Variants in EVC observed in about 807,000 individuals in gnomAD.
EVC encodes EvC ciliary complex subunit 1, also known as evC complex member EVC.
Under a neutral mutation model 118.9 loss-of-function variants are expected in EVC, and 116 were observed. The observed-to-expected ratio is 0.98, with a 90% CI of 0.84 to 1.14. EVC has a LOEUF of 1.14. EVC is among the 50% of genes most tolerant of loss of function. The probability of loss-of-function intolerance (pLI) is 0.00; values close to 1 mark genes in which losing one functional copy is unlikely to be tolerated. For missense variants in EVC, 1,401 were observed against 1,246.4 expected, an observed-to-expected ratio of 1.12 and a Z score of -1.87; for synonymous variants, 619 against 534.7, an observed-to-expected ratio of 1.16 and a Z score of -2.18.
intron 11 of EVC, among the ~76,000 whole-genome samples, chr4:5,781,495 C>T (rs1162258588): frequency 6.6e-6 from 1 of 151,998 alleles, no homozygotes; most frequent in Non-Finnish European, 1.5e-5. Context: ...GCGAGGAGTC[C>T]ATTCTGGGTG....
At chr4:5,821,011 CTCTT>C in the EVC span, 2 of 152,236 alleles carry the variant, frequency 1.3e-5, no homozygotes, top group Non-Finnish European at 2.9e-5. This position sits in a 1 kb window ranked among gnomAD's most constrained non-coding sequence, Gnocchi z 4.4. Context: ...ATGGGGAGAC[CTCTT>C]TCTGAGTGTG....
intron 11 of EVC, among the ~76,000 whole-genome samples, chr4:5,767,817 G>A (rs1388451449): frequency 6.6e-6 from 1 of 152,178 alleles, no homozygotes; most frequent in East Asian, 1.9e-4. Flanking sequence ...TCCCTAGTGA[G>A]ATGAACCCAG....
chr4:5,719,352 G>C lies in EVC; in HGVS notation c.279G>C (p.Ser93=). 7 of 1,614,192 alleles carry C rather than the reference G, an allele frequency of 4.3e-6. No individual in the cohort carries two copies. Among genetic ancestry groups the C allele is most frequent in the Non-Finnish European group, 5.9e-6 (7 of 1,180,034 alleles). ...GGAGGAAGAGAGAAGTGCAGATGTC[G>C]AAGGACAAGGAAGCTGTTGATGTAA... ...SRRRKREVQM[S]KDKEAVDECE... is the part of the protein sequence containing the mutation. The change falls in exon 2 of 21, where the codon TCG becomes TCC. Residue 93 remains serine (S), a synonymous_variant. Transcript: ENST00000264956. This position sits in a 1 kb window ranked among gnomAD's most constrained non-coding sequence, Gnocchi z 4.7.
intron 16 of EVC, among the ~76,000 whole-genome samples, chr4:5,803,646 G>C (rs1465757256): frequency 6.6e-6 from 1 of 152,134 alleles, no homozygotes; most frequent in African/African-American, 2.4e-5. Context: ...AAATGATATA[G>C]CTTAAGCCAC....
chr4:5,758,646 T>C (rs948260456), intron 11 of EVC, among the ~76,000 whole-genome samples: 4 of 152,200 alleles, frequency 2.6e-5, no homozygotes, highest in African/African-American at 9.7e-5. Flanking sequence ...TAACATGCTG[T>C]GTGACCTTGG....
At chr4:5,771,388 C>T (rs543187438) in intron 11 of EVC, among the ~76,000 whole-genome samples, 37 of 152,290 alleles carry the variant, frequency 2.4e-4, no homozygotes, top group African/African-American at 8.9e-4. Flanking sequence ...TCCTGCCTCC[C>T]TCATTCACTT....
intron 7 of EVC, 181 bp from the exon 8 acceptor site, chr4:5,747,967 G>A: frequency 1.4e-6 from 1 of 700,962 alleles, no homozygotes. Context: ...CCAGACAATG[G>A]AACCAGAAAG....
intron 11 of EVC, among the ~76,000 whole-genome samples, chr4:5,773,579 G>T (rs1426081662): frequency 6.6e-6 from 1 of 152,136 alleles, no homozygotes; most frequent in Admixed American, 6.5e-5. Context: ...ATGTGGCAAG[G>T]GGTGTGGGTG....
the EVC span, among the ~76,000 whole-genome samples, chr4:5,823,946 G>A: frequency 2.6e-5 from 4 of 152,356 alleles, no homozygotes; most frequent in African/African-American, 9.6e-5. Flanking sequence ...GAAAGCATCT[G>A]TGTTGTTGGT....
intron 2 of EVC, among the ~76,000 whole-genome samples, chr4:5,723,032 T>C (rs533213443): frequency 8.5e-5 from 13 of 152,266 alleles, no homozygotes; most frequent in African/African-American, 3.1e-4. Context: ...TGACCGTCCT[T>C]GGGCTGGCCC....
At chr4:5,818,119 G>A (rs1374962731), downstream of EVC, among the ~76,000 whole-genome samples, 1 of 152,110 alleles carries the variant, frequency 6.6e-6, no homozygotes, top group Non-Finnish European at 1.5e-5. Context: ...CTGTTCTTGT[G>A]GTAGTGAATA....
intron 11 of EVC, among the ~76,000 whole-genome samples, chr4:5,757,193 C>G (rs1376514488): frequency 6.6e-6 from 1 of 152,128 alleles, no homozygotes; most frequent in African/African-American, 2.4e-5. Flanking sequence ...TCGGAACACC[C>G]CAGGGCACGT....
intron 11 of EVC, among the ~76,000 whole-genome samples, chr4:5,766,987 G>A (rs1399196378): frequency 6.6e-6 from 1 of 151,266 alleles, no homozygotes; most frequent in Non-Finnish European, 1.5e-5. Flanking sequence ...CTGCTTTTTA[G>A]AGTTTCCAGT....
chr4:5,723,677 C>G lies in EVC; in HGVS notation c.300+4304C>G, dbSNP rs181816754. 2.8e-3 allele frequency among the ~76,000 whole-genome samples: 420 copies of G among 152,232 alleles called. 1 individual carries two copies. Among genetic ancestry groups the G allele is most frequent in the African/African-American group, 9.6e-3 (399 of 41,536 alleles). ...GTATCTTTCCCTTGAGCAAATGTGT[C>G]TCCCCTGGACAGTCAGCCAGGGCTG... On this transcript the variant is annotated intron_variant, in intron 2 of 20. Transcript: ENST00000264956.
intron 17 of EVC, 25 bp from the exon 18 acceptor site, chr4:5,808,176 A>AGCCT (rs750538668): frequency 2.8e-6 from 3 of 1,057,606 alleles, no homozygotes; most frequent in South Asian, 1.7e-5. Context: ...CCTCCCTGCC[A>AGCCT]GCCTGCCTGC....
rs1727933483 is a variant in EVC, at chr4:5,737,818, A to T, written c.703-3898A>T. ...GAAGATGTACAAGGAAGTTAATGTC[A>T]TTTTCATGCCTGCTAACACAACATT... On this transcript the variant is annotated intron_variant, in intron 5 of 20. Coordinates refer to ENST00000264956, the MANE Select transcript of EVC (RefSeq NM_153717.3). The surrounding 1 kb of genome is among the most constrained non-coding windows in gnomAD (Gnocchi z 5.0). Among the ~76,000 whole-genome samples, 1 of 152,216 alleles carries T rather than the reference A, an allele frequency of 6.6e-6. No individual in the cohort carries two copies. Among genetic ancestry groups the T allele is most frequent in the African/African-American group, 2.4e-5 (1 of 41,460 alleles).
At chr4:5,759,856 C>T (rs929661139) in intron 11 of EVC, among the ~76,000 whole-genome samples, 5 of 152,190 alleles carry the variant, frequency 3.3e-5, no homozygotes, top group Non-Finnish European at 5.9e-5. Flanking sequence ...TGACGACACG[C>T]GCCCAAGGGG....
intron 12 of EVC, among the ~76,000 whole-genome samples, chr4:5,790,216 A>G (rs1712519555): frequency 6.6e-6 from 1 of 151,378 alleles, no homozygotes; most frequent in African/African-American, 2.4e-5. Flanking sequence ...ACTGTGCAGA[A>G]TTTTCTAGAA....
At chr4:5,739,915 A>C (rs1728257821) in intron 5 of EVC, among the ~76,000 whole-genome samples, 1 of 144,060 alleles carries the variant, frequency 6.9e-6, no homozygotes, top group Non-Finnish European at 1.5e-5. Flanking sequence ...AAAAAAAAAA[A>C]GCCTTACCGG....
Sources: allele counts gnomAD v4.1 joint callset (sites outside exome capture counted in the v4.1 genomes callset), GRCh38; gene constraint gnomAD v4.1.1; non-coding constraint Gnocchi (gnomAD v3.1); transcripts MANE v1.5; gene names NCBI Gene and HGNC (gene_info 2026-07-23, HGNC 2026-07-21).